Variants in CDH13 observed in about 807,000 individuals in gnomAD.
The protein encoded by CDH13 is cadherin 13, also known as cadherin-13.
Under a neutral mutation model 63.8 loss-of-function variants are expected in CDH13, and 24 were observed. The observed-to-expected ratio is 0.38, with a 90% CI of 0.27 to 0.53. The LOEUF is 0.53. CDH13 is among the 20% of genes least tolerant of loss of function. CDH13 has a pLI of 0.85. For synonymous variants in CDH13, 503 were observed against 355.3 expected (o/e 1.42, Z -4.67); for missense variants, 1,049 against 903.1 (o/e 1.16, Z -2.07).
intron 2 of CDH13, among the ~76,000 whole-genome samples, chr16:82,915,078 C>A (rs181380923): frequency 3.9e-5 from 6 of 152,280 alleles, no homozygotes; most frequent in African/African-American, 1.4e-4. Flanking sequence ...TTTTTGAAAT[C>A]CAGTGATGAA....
chr16:83,184,252 C>G (rs758305744), intron 4 of CDH13, among the ~76,000 whole-genome samples: 1 of 152,058 alleles, frequency 6.6e-6, no homozygotes, highest in South Asian at 2.1e-4. Flanking sequence ...CAAGATTTCT[C>G]TACGGTGCTT....
At chr16:83,567,365 G>A (rs577029994) in intron 7 of CDH13, among the ~76,000 whole-genome samples, 89 of 152,268 alleles carry the variant, frequency 5.8e-4, no homozygotes, top group African/African-American at 2.1e-3. Flanking sequence ...AGATGAATGA[G>A]TGCCCCCTTG....
chr16:83,294,331 C>G (rs946598179), intron 5 of CDH13, among the ~76,000 whole-genome samples: 2 of 152,036 alleles, frequency 1.3e-5, no homozygotes, highest in African/African-American at 4.8e-5. Flanking sequence ...TTCTCTTGAG[C>G]TTATTTTTCC....
At chr16:82,951,974 G>C (rs1905359006) in intron 2 of CDH13, among the ~76,000 whole-genome samples, 3 of 152,202 alleles carry the variant, frequency 2.0e-5, no homozygotes. Flanking sequence ...CCTCCCAACA[G>C]GGTCGTCATC....
At chr16:83,509,946 C>T (rs1287588352) in intron 7 of CDH13, among the ~76,000 whole-genome samples, 1 of 152,168 alleles carries the variant, frequency 6.6e-6, no homozygotes, top group Non-Finnish European at 1.5e-5. Context: ...AGACCCCGGA[C>T]AGAGGATTGG....
At chr16:82,988,598 C>CA (rs1485975556) in intron 2 of CDH13, among the ~76,000 whole-genome samples, 1 of 151,734 alleles carries the variant, frequency 6.6e-6, no homozygotes, top group East Asian at 1.9e-4. Flanking sequence ...CCCGTCTCTA[C>CA]AAAAATACAA....
intron 7 of CDH13, among the ~76,000 whole-genome samples, chr16:83,494,911 G>C (rs943289432): frequency 2.0e-5 from 3 of 152,146 alleles, no homozygotes; most frequent in East Asian, 3.8e-4. Context: ...TGGACATATG[G>C]CACTATGATG....
intron 7 of CDH13, among the ~76,000 whole-genome samples, chr16:83,505,178 A>G (rs1235322712): frequency 6.6e-6 from 1 of 152,204 alleles, no homozygotes; most frequent in African/African-American, 2.4e-5. Flanking sequence ...TTAAGTTAAA[A>G]TCTAGCCTCC....
At chr16:82,843,949 C>A (rs537837754) in intron 1 of CDH13, among the ~76,000 whole-genome samples, 1 of 152,286 alleles carries the variant, frequency 6.6e-6, no homozygotes, top group African/African-American at 2.4e-5. Context: ...TGTGGGTGAT[C>A]ATGGAATGAC....
At chr16:83,335,508 TTA>T (rs2090573807) in intron 5 of CDH13, among the ~76,000 whole-genome samples, 1 of 152,086 alleles carries the variant, frequency 6.6e-6, no homozygotes, top group South Asian at 2.1e-4. Context: ...GATGATCATT[TTA>T]TGTTTCTTGC....
At chr16:82,900,169 C>G (rs571956208) in intron 2 of CDH13, among the ~76,000 whole-genome samples, 2 of 152,188 alleles carry the variant, frequency 1.3e-5, no homozygotes, top group African/African-American at 2.4e-5. Flanking sequence ...TTGCTGGGCC[C>G]CTTTTAGATC....
intron 2 of CDH13, among the ~76,000 whole-genome samples, chr16:82,934,273 G>A (rs975567306): frequency 2.0e-5 from 3 of 152,218 alleles, no homozygotes; most frequent in African/African-American, 7.2e-5. Context: ...CCACATGGAA[G>A]CTGCCAAGGC....
At chr16:83,061,478 C>G (rs573193510) in intron 3 of CDH13, among the ~76,000 whole-genome samples, 69 of 152,292 alleles carry the variant, frequency 4.5e-4, no homozygotes, top group African/African-American at 1.5e-3. Flanking sequence ...CTGGCAGGTC[C>G]AGATACAGAA....
At chr16:83,383,167 A>T (rs2091602196) in intron 6 of CDH13, 3 of 152,110 alleles carry the variant, frequency 2.0e-5, no homozygotes, top group African/African-American at 7.2e-5. Flanking sequence ...GGTCCATCTG[A>T]TGTTTCCTCG....
At chr16:83,051,752 G>T (rs1049376041) in intron 3 of CDH13, among the ~76,000 whole-genome samples, 2 of 152,100 alleles carry the variant, frequency 1.3e-5, no homozygotes, top group South Asian at 4.2e-4. Context: ...TGTAACTCTA[G>T]TTATGACTTG....
chr16:83,094,246 C>T (rs955982967), intron 3 of CDH13, among the ~76,000 whole-genome samples: 1 of 152,098 alleles, frequency 6.6e-6, no homozygotes, highest in Non-Finnish European at 1.5e-5. Context: ...CACTTGTGAC[C>T]CCTGCTTTGC....
At chr16:83,235,550 G>C (rs1333736686) in intron 5 of CDH13, among the ~76,000 whole-genome samples, 1 of 148,622 alleles carries the variant, frequency 6.7e-6, no homozygotes, top group Non-Finnish European at 1.5e-5. Context: ...AGAGGAATTT[G>C]CCAATGCTCA....
intron 6 of CDH13, among the ~76,000 whole-genome samples, chr16:83,365,416 C>T (rs2091240600): frequency 1.3e-5 from 2 of 152,186 alleles, no homozygotes; most frequent in Admixed American, 1.3e-4. Flanking sequence ...CTCTTCCAGA[C>T]ATGCCCTTAC....
chr16:83,176,146 G>A lies in CDH13; in HGVS notation c.484-41199G>A, dbSNP rs919763845. On this transcript the variant is annotated intron_variant, in intron 4 of 13. Coordinates refer to ENST00000567109, the MANE Select transcript of CDH13 (RefSeq NM_001257.5). ...ATTACAGGCGTGAGCTACCATTCCC[G>A]GCCTCAACCTACTTTTTAAATTAAT... Among the ~76,000 whole-genome samples, 13 of 149,010 alleles carry A rather than the reference G, an allele frequency of 8.7e-5. No homozygotes were observed. In the East Asian group the frequency reaches 1.3e-3, roughly 15 times the overall value.
Sources: allele counts gnomAD v4.1 joint callset (sites outside exome capture counted in the v4.1 genomes callset), GRCh38; gene constraint gnomAD v4.1.1; transcripts MANE v1.5; gene names NCBI Gene and HGNC (gene_info 2026-07-23, HGNC 2026-07-21).